DIP2C: variants seen among roughly 807,000 people sequenced by gnomAD.
The protein encoded by DIP2C is disco-interacting protein 2 homolog C.
A neutral mutation model predicts 192.4 loss-of-function variants in DIP2C; 33 were observed. The observed-to-expected ratio is 0.17, with a 90% confidence interval of 0.13 to 0.23. The LOEUF (loss-of-function observed/expected upper bound fraction) is 0.23, where lower values mean the gene tolerates loss of function less well. Among genes scored for constraint, DIP2C ranks in the 10% least tolerant of loss-of-function variants. DIP2C has a pLI of 1.00. For missense variants in DIP2C, 1,537 were observed against 2,110.1 expected, an observed-to-expected ratio of 0.73 and a Z score of 5.32; for synonymous variants, 979 against 864.1, an observed-to-expected ratio of 1.13 and a Z score of -2.33.
chr10:311,672 G>T (rs1374611463), intron 31 of DIP2C: 15 of 997,544 alleles, frequency 1.5e-5, no homozygotes, highest in Non-Finnish European at 1.8e-5. Context: ...AGTGAAAAAT[G>T]GGATGGAGAA....
At chr10:589,349 T>TC (rs1851271331) in intron 1 of DIP2C, among the ~76,000 whole-genome samples, 1 of 152,188 alleles carries the variant, frequency 6.6e-6, no homozygotes. Context: ...AAGTCTTGTC[T>TC]CCTTGTTTTC....
intron 31 of DIP2C, among the ~76,000 whole-genome samples, chr10:321,187 G>A (rs1009447369): frequency 6.6e-6 from 1 of 152,206 alleles, no homozygotes; most frequent in Non-Finnish European, 1.5e-5. Context: ...CCTGTGTCAG[G>A]TATGTTCTAA....
At chr10:626,093 G>A (rs997434687) in intron 1 of DIP2C, among the ~76,000 whole-genome samples, 4 of 152,226 alleles carry the variant, frequency 2.6e-5, no homozygotes, top group African/African-American at 9.6e-5. Flanking sequence ...CACAAAGCAA[G>A]ATCCACTTCG....
intron 4 of DIP2C, among the ~76,000 whole-genome samples, chr10:425,926 T>C (rs994596740): frequency 1.3e-5 from 2 of 152,158 alleles, no homozygotes; most frequent in African/African-American, 2.4e-5. Context: ...TGGTAAACAA[T>C]AGAAGGCGTT....
At chr10:465,148 G>C (rs560925952) in intron 3 of DIP2C, among the ~76,000 whole-genome samples, 16 of 124,306 alleles carry the variant, frequency 1.3e-4, no homozygotes, top group Admixed American at 4.4e-4. Context: ...ATAAAATACT[G>C]GCAAACCGAA....
chr10:599,501 G>A (rs1191978038), intron 1 of DIP2C, among the ~76,000 whole-genome samples: 1 of 152,196 alleles, frequency 6.6e-6, no homozygotes, highest in African/African-American at 2.4e-5. Flanking sequence ...CCACTTCCCA[G>A]TCGAAGGAAG....
chr10:537,170 G>A lies in DIP2C; in HGVS notation c.86-50640C>T, dbSNP rs115329538. Among the ~76,000 whole-genome samples, 790 of 152,186 alleles carry A rather than the reference G, an allele frequency of 5.2e-3. 7 individuals carry two copies. Among genetic ancestry groups the A allele is most frequent in the African/African-American group, 0.018 (737 of 41,524 alleles). On this transcript the variant is annotated intron_variant, in intron 1 of 36. Transcript: ENST00000280886. Reference sequence around the variant, plus strand: ...AACCTGACCACCCAGAGGCAAGGCCGTATGAAGGAGGGCGTGGGATCTTGG... The same window carrying A: ...AACCTGACCACCCAGAGGCAAGGCCATATGAAGGAGGGCGTGGGATCTTGG...
In DIP2C at chr10:468,340, C is replaced by G. The variant is rs147776282; in HGVS notation, c.268+4099G>C. ...CCCCTCCTGCTTTCCTGAAGGGTGG[C>G]TGCCATGACACATAAAGGGGAGTTG... On this transcript the variant is annotated intron_variant, in intron 3 of 36. Coordinates refer to ENST00000280886, the MANE Select transcript of DIP2C (RefSeq NM_014974.3). Among the ~76,000 whole-genome samples, 192 of 152,244 alleles carry G rather than the reference C, an allele frequency of 1.3e-3. 2 individuals carry two copies. Among genetic ancestry groups the G allele is most frequent in the Non-Finnish European group, 1.3e-3 (87 of 68,012 alleles).
chr10:334,795 T>C (rs1957678010), intron 29 of DIP2C, among the ~76,000 whole-genome samples: 2 of 152,260 alleles, frequency 1.3e-5, no homozygotes, highest in Non-Finnish European at 1.5e-5. Flanking sequence ...ATAATCACTC[T>C]ATCTCAATGC....
chr10:572,767 G>GC (rs1336308390), intron 1 of DIP2C, among the ~76,000 whole-genome samples: 1 of 152,136 alleles, frequency 6.6e-6, no homozygotes, highest in African/African-American at 2.4e-5. Flanking sequence ...TGATCCACAA[G>GC]CCAGCTTTAA....
chr10:550,405 T>C (rs993845463), intron 1 of DIP2C, among the ~76,000 whole-genome samples: 2 of 152,188 alleles, frequency 1.3e-5, no homozygotes, highest in African/African-American at 4.8e-5. Flanking sequence ...AGGTGGCCAC[T>C]GACCACAGAG....
At chr10:462,848 A>G (rs1042319883) in intron 3 of DIP2C, among the ~76,000 whole-genome samples, 1 of 152,236 alleles carries the variant, frequency 6.6e-6, no homozygotes, top group Non-Finnish European at 1.5e-5. Flanking sequence ...CCTGGGATGC[A>G]AGGCTGGTTC....
intron 1 of DIP2C, among the ~76,000 whole-genome samples, chr10:596,300 A>G (rs773172913): frequency 1.3e-5 from 2 of 152,032 alleles, no homozygotes; most frequent in East Asian, 3.9e-4. Context: ...ACCTGAGATC[A>G]GGACTTTAAG....
chr10:433,591 G>C (rs1394985400), intron 4 of DIP2C, among the ~76,000 whole-genome samples: 1 of 152,194 alleles, frequency 6.6e-6, no homozygotes, highest in Non-Finnish European at 1.5e-5. Flanking sequence ...TGAGGCAGGA[G>C]AATCACTTGA....
In DIP2C at chr10:362,629, G is replaced by A; in HGVS notation, c.2655C>T (p.Leu885=). The part of the protein sequence containing the change: ...YCLALVPANT[L]PKTPLGGIHL... ...GGATCCCACCAAGCGGGGTTTTGGG[G>A]AGGGTGTTTGCTGGCACCAAGGCCA... is the stretch of plus-strand genomic sequence containing the variant. The change falls in exon 22 of 37, where the codon CTC becomes CTT. Residue 885 remains leucine (L), a synonymous_variant. Transcript: ENST00000280886. The A allele has an allele frequency of 1.2e-6, 2 of 1,614,172 alleles. No individual in the cohort carries two copies. The highest frequency in any genetic ancestry group is 2.2e-5 in the East Asian group (1 of 44,888).
chr10:556,493 G>T (rs554365714), intron 1 of DIP2C, among the ~76,000 whole-genome samples: 125 of 149,424 alleles, frequency 8.4e-4, no homozygotes, highest in Middle Eastern at 3.5e-3. Flanking sequence ...GCGGCCACCT[G>T]ACTCTACCAG....
chr10:568,765 C>CAAAAAAAA lies in DIP2C; in HGVS notation c.86-82243_86-82236dup, dbSNP rs1206501677. Among the ~76,000 whole-genome samples the CAAAAAAAA allele has an allele frequency of 4.6e-3, 175 of 37,870 alleles. 45 individuals carry two copies. Among genetic ancestry groups the CAAAAAAAA allele is most frequent in the Non-Finnish European group, 6.3e-3 (136 of 21,490 alleles). The allele number at this position is 37,870 out of a possible 152,430, so 24.8% of individuals were successfully genotyped here. On this transcript the variant is annotated intron_variant, in intron 1 of 36. Coordinates refer to ENST00000280886, the MANE Select transcript of DIP2C (RefSeq NM_014974.3). ...TGGGCGACAGAGGGAAACTCCGTCTCAAAAAAAAAAAAAAAAAAAAAAAAA... is the reference window on the plus strand; with the variant it reads ...TGGGCGACAGAGGGAAACTCCGTCTCAAAAAAAAAAAAAAAAAAAAAAAAAAAAAAAAA...
At chr10:570,792 C>G (rs2058684362) in intron 1 of DIP2C, among the ~76,000 whole-genome samples, 1 of 152,260 alleles carries the variant, frequency 6.6e-6, no homozygotes, top group South Asian at 2.1e-4. Flanking sequence ...CGATTAACAG[C>G]AAATTCATTT....
chr10:426,631 G>C (rs1434254119), intron 4 of DIP2C, among the ~76,000 whole-genome samples: 4 of 152,358 alleles, frequency 2.6e-5, no homozygotes, highest in Non-Finnish European at 5.9e-5. Flanking sequence ...AATTAAGGCA[G>C]TAGTATTAGC....
Sources: gnomAD v4.1 joint callset for allele counts (sites outside exome capture counted in the v4.1 genomes callset) on GRCh38, gnomAD v4.1.1 for gene constraint, MANE v1.5 for transcripts, NCBI Gene and HGNC (gene_info 2026-07-23, HGNC 2026-07-21) for gene names.